The following SLC46A3 variants were observed in gnomAD, a reference collection of about 807,000 sequenced individuals.
SLC46A3 encodes solute carrier family 46 member 3, also known as lysosomal proton-coupled steroid conjugate and bile acid symporter SLC46A3.
Under a neutral mutation model 38.5 loss-of-function variants are expected in SLC46A3, and 26 were observed. The ratio of observed to expected loss-of-function variants is 0.68; its 90% CI spans 0.49 to 0.94. SLC46A3 has a LOEUF of 0.94. Among genes scored for constraint, SLC46A3 ranks in the 40% least tolerant of loss-of-function variants. SLC46A3 has a pLI of 0.00. For missense variants in SLC46A3, 510 were observed against 544.3 expected (o/e 0.94, Z 0.63); for synonymous variants, 185 against 192.5 (o/e 0.96, Z 0.32).
chr13:28,702,102 T>G (rs1006720104), intron 5 of SLC46A3, among the ~76,000 whole-genome samples: 1 of 152,210 alleles, frequency 6.6e-6, no homozygotes, highest in African/African-American at 2.4e-5. Flanking sequence ...CTACTCACCA[T>G]GTATGCAATT....
Position 28,718,940 on chromosome 13 carries a change from C to T in SLC46A3, c.-469G>A, listed in dbSNP as rs1885623992. 1 of 152,314 alleles carries T rather than the reference C, an allele frequency of 6.6e-6. No homozygotes were observed. Among genetic ancestry groups the T allele is most frequent in the South Asian group, 2.1e-4 (1 of 4,838 alleles). 9.4% of individuals were successfully genotyped at this position (152,314 alleles called of 1,614,324 possible). On this transcript the variant is annotated 5_prime_UTR_variant, in exon 1 of 6. Coordinates refer to ENST00000266943, the MANE Select transcript of SLC46A3 (RefSeq NM_181785.4). ...CGGCCCTGCCAGCGCTAGGCGATGA[C>T]TCGGCCGCAGCCAGCTGAGCATCGC... is the stretch of plus-strand genomic sequence containing the variant.
In SLC46A3 at chr13:28,713,099, A is replaced by G. The variant is rs756332077; in HGVS notation, c.641T>C (p.Ile214Thr). 1 of 1,612,630 alleles carries G rather than the reference A, an allele frequency of 6.2e-7. No homozygotes were observed. The highest frequency in any genetic ancestry group is 1.3e-5 in the African/African-American group (1 of 74,854). ...CACTGGATCTCCGAGAAAAAATAAA[A>G]TATAGATCAAATTAACAGCAAGAGA... ...AVSLAVNLIY[I>T]LFFLGDPVKE... The change falls in exon 3 of 6, where the codon ATT (isoleucine) becomes ACT (threonine). Residue 214 changes from isoleucine to threonine, a missense_variant. Transcript: ENST00000266943.
chr13:28,709,322 C>CAACAAAAAA (rs1885273437), intron 4 of SLC46A3, among the ~76,000 whole-genome samples: 1 of 130,270 alleles, frequency 7.7e-6, no homozygotes. Context: ...AACTCCGTCT[C>CAACAAAAAA]AAAAAAAAAA....
In SLC46A3 at chr13:28,713,158, T is replaced by C. The variant is rs1885415420; in HGVS notation, c.582A>G (p.Leu194=). 4 of 1,614,060 alleles carry C rather than the reference T, an allele frequency of 2.5e-6. No individual in the cohort carries two copies. Among genetic ancestry groups the C allele is most frequent in the East Asian group, 4.5e-5 (2 of 44,874 alleles). Residue 194 remains leucine, a synonymous_variant, in exon 3 of 6, where the codon CTA becomes CTG. Transcript: ENST00000266943. ...GLSSGYFIRE[L]GFEWSFLIIA... ...TAATTAGAAACGACCACTCAAAACC[T>C]AGCTCTCTAATAAAATAGCCAGATG...
intron 4 of SLC46A3, among the ~76,000 whole-genome samples, chr13:28,706,730 C>T (rs959391055): frequency 3.9e-4 from 59 of 152,014 alleles, no homozygotes; most frequent in Admixed American, 3.9e-3. Flanking sequence ...TTTTTAAAAG[C>T]CTTTATAAGG....
At chr13:28,703,918 A>G in intron 5 of SLC46A3, 25 bp downstream of exon 5, 1 of 1,561,594 alleles carries the variant, frequency 6.4e-7, no homozygotes, top group Non-Finnish European at 8.7e-7. Flanking sequence ...ACCCTCTGAT[A>G]AAATGATTAA....
rs1376742726 is a variant in SLC46A3, at chr13:28,700,676, A to G, written c.*821T>C. 1 of 320,460 alleles carries G rather than the reference A, an allele frequency of 3.1e-6. No individual in the cohort carries two copies. The highest frequency in any genetic ancestry group is 8.8e-4 in the Middle Eastern group (1 of 1,142). The allele number at this position is 320,460 out of a possible 1,614,324, so 19.9% of individuals were successfully genotyped here. On this transcript the variant is annotated 3_prime_UTR_variant, in exon 6 of 6. Coordinates refer to ENST00000266943, the MANE Select transcript of SLC46A3 (RefSeq NM_181785.4). ...CAAGGAACAAATGTTGGCTCCAAAC[A>G]TTAGTTACTTTATACCAGTATTAGC...
Position 28,718,830 on chromosome 13 carries a change from T to TCAGCG in SLC46A3, c.-364_-360dup, listed in dbSNP as rs1885616129. 6.6e-6 allele frequency: 1 copy of TCAGCG among 152,334 alleles called. No individual in the cohort carries two copies. Among genetic ancestry groups the TCAGCG allele is most frequent in the Non-Finnish European group, 1.5e-5 (1 of 68,142 alleles). 9.4% of individuals were successfully genotyped at this position (152,334 alleles called of 1,614,324 possible). A position where few individuals can be genotyped will look rare whatever the true frequency, so the allele number is the denominator to read the frequency against. ...CCCCGCGGCCCTGCGGACCTCGGCC[T>TCAGCG]CAGCGCGGCGCGGCGGGGCGCGGAG... On this transcript the variant is annotated 5_prime_UTR_variant, in exon 1 of 6. It introduces an in-frame stop codon into an upstream open reading frame of the 5' UTR. Coordinates refer to ENST00000266943, the MANE Select transcript of SLC46A3 (RefSeq NM_181785.4).
chr13:28,713,523 T>C lies in SLC46A3; in HGVS notation c.217A>G (p.Asn73Asp), dbSNP rs778598961. 22 of 1,604,664 alleles carry C rather than the reference T, an allele frequency of 1.4e-5. No individual in the cohort carries two copies. Among genetic ancestry groups the C allele is most frequent in the Non-Finnish European group, 1.9e-5 (22 of 1,173,246 alleles). Reference sequence around the variant, plus strand: ...AATCCACTTATGTCCATCTGCAGATTAAAACGTGACACTTTTTTCTGAACT... The same window carrying C: ...AATCCACTTATGTCCATCTGCAGATCAAAACGTGACACTTTTTTCTGAACT... ...EEVQKKVSRF[N>D]LQMDISGLIP... The change falls in exon 3 of 6, where the codon AAT (asparagine) becomes GAT (aspartate). Residue 73 changes from asparagine (N) to aspartate (D), a missense_variant. Transcript: ENST00000266943.
chr13:28,716,812 C>T (rs1885540844), intron 2 of SLC46A3, among the ~76,000 whole-genome samples: 1 of 152,146 alleles, frequency 6.6e-6, no homozygotes, highest in Non-Finnish European at 1.5e-5. Flanking sequence ...CCATTTCCTC[C>T]TTCTCAGGCT....
chr13:28,702,411 A>T (rs1183529357), intron 5 of SLC46A3, among the ~76,000 whole-genome samples: 2 of 152,164 alleles, frequency 1.3e-5, no homozygotes, highest in Non-Finnish European at 2.9e-5. Flanking sequence ...TTATATATCA[A>T]TTTTTGACAA....
In SLC46A3 at chr13:28,702,612, T is replaced by A. The variant is rs115819266; in HGVS notation, c.1302-1031A>T. On this transcript the variant is annotated intron_variant, in intron 5 of 5. Transcript: ENST00000266943. ...AGCACAGCATGTATTGGTAATTTTG[T>A]TAATTCGATAGGTGAATAGTCTCTT... is the stretch of plus-strand genomic sequence containing the variant. Among the ~76,000 whole-genome samples the A allele has an allele frequency of 3.4e-3, 517 of 152,320 alleles. 4 individuals are homozygous for A. Among genetic ancestry groups the A allele is most frequent in the African/African-American group, 0.012 (510 of 41,576 alleles).
rs35324465 is a variant in SLC46A3 at position 28,701,969 on chromosome 13, TA to T, written c.1302-389del. 4.6e-5 allele frequency among the ~76,000 whole-genome samples: 7 copies of T among 150,994 alleles called. No individual in the cohort carries two copies. In the South Asian group the frequency reaches 6.3e-4, roughly 13 times the overall value. ...TTTAAAATATTGAGCAGTGTAAGGT[TA>T]AAAAAAAAGCTCAGAAGCCCATCTA... On this transcript the variant is annotated intron_variant, in intron 5 of 5. Coordinates refer to ENST00000266943, the MANE Select transcript of SLC46A3 (RefSeq NM_181785.4).
intron 4 of SLC46A3, among the ~76,000 whole-genome samples, chr13:28,708,206 G>T (rs1001601083): frequency 2.0e-5 from 3 of 152,162 alleles, no homozygotes; most frequent in African/African-American, 7.2e-5. Context: ...GGATTGCTGA[G>T]TCATAAGGCA....
Position 28,701,539 on chromosome 13 carries a change from A to G in SLC46A3, c.1344T>C (p.Leu448=), listed in dbSNP as rs975586486. The G allele has an allele frequency of 4.3e-6, 7 of 1,613,432 alleles. No individual in the cohort carries two copies. The highest frequency in any genetic ancestry group is 5.9e-6 in the Non-Finnish European group (7 of 1,179,612). Residue 448 remains leucine (L), a synonymous_variant, in exon 6 of 6, where the codon CTT becomes CTC. Coordinates refer to ENST00000266943, the MANE Select transcript of SLC46A3 (RefSeq NM_181785.4). ...CTSWNEGSYE[L]LIQEESSEDA... ...CTTCACTGGATTCTTCTTGTATAAGAAGTTCATAGCTTCCCTCATTCCAGC... is the reference window on the plus strand; with the variant it reads ...CTTCACTGGATTCTTCTTGTATAAGGAGTTCATAGCTTCCCTCATTCCAGC...
intron 1 of SLC46A3, 32 bp from the exon 2 acceptor site, chr13:28,718,054 T>C (rs1201407235): frequency 3.4e-5 from 52 of 1,549,430 alleles, no homozygotes; most frequent in Non-Finnish European, 4.3e-5. Context: ...AAAGATCATC[T>C]GTCTCATCCC....
At chr13:28,702,653 T>C (rs1344818961) in intron 5 of SLC46A3, among the ~76,000 whole-genome samples, 1 of 152,202 alleles carries the variant, frequency 6.6e-6, no homozygotes, top group African/African-American at 2.4e-5. Context: ...AAAAGATAAC[T>C]AGTATAAATA....
Position 28,713,106 on chromosome 13 carries a change from T to C in SLC46A3, c.634A>G (p.Ile212Val). ...IIAVSLAVNL[I>V]YILFFLGDPV... ...TCTCCGAGAAAAAATAAAATATAGA[T>C]CAAATTAACAGCAAGAGACACAGCA... Residue 212 changes from isoleucine (I) to valine (V), a missense_variant, in exon 3 of 6, where the codon ATC becomes GTC. Transcript: ENST00000266943. The C allele has an allele frequency of 1.2e-6, 2 of 1,612,128 alleles. No individual in the cohort carries two copies. Among genetic ancestry groups the C allele is most frequent in the Non-Finnish European group, 1.7e-6 (2 of 1,179,556 alleles).
In SLC46A3 at chr13:28,713,377, A is replaced by G. The variant is rs370487762; in HGVS notation, c.363T>C (p.Leu121=). 39 of 1,613,996 alleles carry G rather than the reference A, an allele frequency of 2.4e-5. No homozygotes were observed. Among genetic ancestry groups the G allele is most frequent in the Middle Eastern group, 3.3e-4 (2 of 6,084 alleles). ...GCTGGAATGGAAAGGCAAAATAGCA[A>G]AGCAAACAGAGCCAAACGCTGGTTG... The part of the protein sequence containing the change: ...ALATSVWLCL[L]CYFAFPFQLL... Residue 121 remains leucine (L), a synonymous_variant, in exon 3 of 6, where the codon CTT becomes CTC. Transcript: ENST00000266943.
Sources: gnomAD v4.1 joint callset for allele counts (sites outside exome capture counted in the v4.1 genomes callset) on GRCh38, gnomAD v4.1.1 for gene constraint, MANE v1.5 for transcripts, NCBI Gene and HGNC (gene_info 2026-07-23, HGNC 2026-07-21) for gene names.